UNC5C: variants seen among roughly 807,000 people sequenced by gnomAD.
UNC5C encodes the protein unc-5 netrin receptor C, also known as netrin receptor UNC5C.
Under a neutral mutation model 99.8 loss-of-function variants are expected in UNC5C, and 47 were observed. The ratio of observed to expected loss-of-function variants is 0.47; its 90% CI spans 0.37 to 0.60. The LOEUF (loss-of-function observed/expected upper bound fraction) is 0.60. Among genes scored for constraint, UNC5C ranks in the 20% least tolerant of loss-of-function variants. UNC5C has a pLI of 0.00. For synonymous variants in UNC5C, 487 were observed against 452.2 expected, an observed-to-expected ratio of 1.08 and a Z score of -0.98; for missense variants, 1,062 against 1,165.9, an observed-to-expected ratio of 0.91 and a Z score of 1.30.
intron 5 of UNC5C, among the ~76,000 whole-genome samples, chr4:95,249,705 T>C (rs979266663): frequency 2.0e-5 from 3 of 152,088 alleles, no homozygotes; most frequent in African/African-American, 4.8e-5. Context: ...TTCCAGAGAA[T>C]TGATAGGTTT....
chr4:95,378,193 T>C (rs1744955028), intron 1 of UNC5C, among the ~76,000 whole-genome samples: 2 of 152,226 alleles, frequency 1.3e-5, no homozygotes, highest in East Asian at 1.9e-4. Context: ...ATGAGAATTA[T>C]AGTTTTAACA....
At chr4:95,292,193 A>C (rs920490892) in intron 3 of UNC5C, among the ~76,000 whole-genome samples, 2 of 146,184 alleles carry the variant, frequency 1.4e-5, no homozygotes, top group Non-Finnish European at 3.0e-5. Flanking sequence ...ACATATATAT[A>C]TACACATATA....
chr4:95,298,446 T>C (rs1379968675), intron 3 of UNC5C, among the ~76,000 whole-genome samples: 1 of 152,142 alleles, frequency 6.6e-6, no homozygotes, highest in African/African-American at 2.4e-5. Flanking sequence ...GTCCTCTCAC[T>C]CACTATTCTA....
At chr4:95,223,354 G>T (rs1356111450) in intron 7 of UNC5C, among the ~76,000 whole-genome samples, 2 of 151,934 alleles carry the variant, frequency 1.3e-5, no homozygotes, top group Non-Finnish European at 2.9e-5. Flanking sequence ...AATACTCAAG[G>T]GCAAAAAACA....
chr4:95,258,155 A>G lies in UNC5C; in HGVS notation c.595-7488T>C, dbSNP rs559409473. On this transcript the variant is annotated intron_variant, in intron 4 of 15. Coordinates refer to ENST00000453304, the MANE Select transcript of UNC5C (RefSeq NM_003728.4). ...ACTGTATATAAAATTCCAAGAAACA[A>G]TACAGAATCTTTTGTTGTGTTAGAA... Among the ~76,000 whole-genome samples the G allele has an allele frequency of 4.6e-5, 7 of 152,324 alleles. No individual in the cohort carries two copies. In the South Asian group the frequency reaches 1.4e-3, roughly 32 times the overall value.
intron 1 of UNC5C, among the ~76,000 whole-genome samples, chr4:95,385,853 G>A (rs1385635133): frequency 6.6e-6 from 1 of 152,070 alleles, no homozygotes; most frequent in African/African-American, 2.4e-5. Flanking sequence ...TCTCTTTGGT[G>A]ATATTTTAGT....
At chr4:95,443,846 C>G (rs1159234073) in intron 1 of UNC5C, among the ~76,000 whole-genome samples, 1 of 152,144 alleles carries the variant, frequency 6.6e-6, no homozygotes, top group Non-Finnish European at 1.5e-5. Context: ...GATCTACTCT[C>G]TCTTGAATAA....
intron 2 of UNC5C, among the ~76,000 whole-genome samples, chr4:95,315,684 T>C (rs1742449275): frequency 6.6e-6 from 1 of 152,174 alleles, no homozygotes; most frequent in Non-Finnish European, 1.5e-5. Context: ...AGCCATGAGG[T>C]ATGGATCATA....
intron 3 of UNC5C, among the ~76,000 whole-genome samples, chr4:95,296,973 C>T (rs1197208426): frequency 1.3e-5 from 2 of 152,302 alleles, no homozygotes; most frequent in South Asian, 4.1e-4. Flanking sequence ...GTCTCAGCTT[C>T]TCTCTCCTGG....
chr4:95,538,931 A>G (rs770044783), intron 1 of UNC5C, among the ~76,000 whole-genome samples: 5 of 152,202 alleles, frequency 3.3e-5, no homozygotes, highest in Non-Finnish European at 5.9e-5. Flanking sequence ...TTTAAATGGA[A>G]GTAATGGATA....
At chr4:95,260,301 A>G (rs1740172391) in intron 4 of UNC5C, among the ~76,000 whole-genome samples, 1 of 152,200 alleles carries the variant, frequency 6.6e-6, no homozygotes, top group Non-Finnish European at 1.5e-5. Flanking sequence ...TTTACGATGC[A>G]TTGTTATCAT....
chr4:95,177,094 C>G (rs1181235430), intron 14 of UNC5C, among the ~76,000 whole-genome samples: 1 of 152,206 alleles, frequency 6.6e-6, no homozygotes, highest in Non-Finnish European at 1.5e-5. Context: ...CCTTGCCCTC[C>G]TTCGGCTCAC....
intron 1 of UNC5C, among the ~76,000 whole-genome samples, chr4:95,518,095 C>A (rs544702808): frequency 2.0e-5 from 3 of 152,074 alleles, no homozygotes; most frequent in Non-Finnish European, 2.9e-5. Flanking sequence ...TTCAACATAA[C>A]CCTTCAGTCC....
chr4:95,232,934 T>G (rs1738967017), intron 7 of UNC5C, among the ~76,000 whole-genome samples: 1 of 152,234 alleles, frequency 6.6e-6, no homozygotes, highest in African/African-American at 2.4e-5. Context: ...CACTCACAAT[T>G]ATGCTTTCCT....
At position 95,165,404 on chromosome 4, in the gene UNC5C, G is replaced by A. The variant is rs956022631; in HGVS notation, c.*3830C>T. On this transcript the variant is annotated 3_prime_UTR_variant, in exon 16 of 16. Coordinates refer to ENST00000453304, the MANE Select transcript of UNC5C (RefSeq NM_003728.4). ...GAGCCTAACTTGCTCACAGCAGGATGGGGGTTTTCTGCATAGCAGAGGTGA... is the reference window on the plus strand; with the variant it reads ...GAGCCTAACTTGCTCACAGCAGGATAGGGGTTTTCTGCATAGCAGAGGTGA... 1 of 152,218 alleles carries A rather than the reference G, an allele frequency of 6.6e-6. No homozygotes were observed. The highest frequency in any genetic ancestry group is 2.4e-5 in the African/African-American group (1 of 41,456). The allele number at this position is 152,218 out of a possible 1,614,324, so 9.4% of individuals were successfully genotyped here. A position where few individuals can be genotyped will look rare whatever the true frequency, so the allele number is the denominator to read the frequency against.
intron 9 of UNC5C, 69 bp downstream of exon 9, chr4:95,218,899 CA>C: frequency 6.8e-7 from 1 of 1,464,974 alleles, no homozygotes. Context: ...ATCCCACGAA[CA>C]AAAAAGATTT....
chr4:95,339,907 A>G (rs996707772), intron 1 of UNC5C, among the ~76,000 whole-genome samples: 4 of 152,082 alleles, frequency 2.6e-5, no homozygotes, highest in Non-Finnish European at 5.9e-5. Context: ...ATGTAACGCT[A>G]TTATTCATTT....
chr4:95,203,450 ACTT>A (rs1179138618), intron 11 of UNC5C, among the ~76,000 whole-genome samples: 3 of 151,912 alleles, frequency 2.0e-5, no homozygotes, highest in Admixed American at 1.3e-4. Flanking sequence ...GGGTCAGTAT[ACTT>A]CTTTTATTTA....
At chr4:95,511,886 A>G (rs1283957103) in intron 1 of UNC5C, among the ~76,000 whole-genome samples, 2 of 152,178 alleles carry the variant, frequency 1.3e-5, no homozygotes, top group Non-Finnish European at 2.9e-5. Context: ...GGAAGGGGCT[A>G]CATTCTGGGT....
Sources: allele counts gnomAD v4.1 joint callset (sites outside exome capture counted in the v4.1 genomes callset), GRCh38; gene constraint gnomAD v4.1.1; transcripts MANE v1.5; gene names NCBI Gene and HGNC (gene_info 2026-07-23, HGNC 2026-07-21).